OCA2: variants seen among roughly 807,000 people sequenced by gnomAD.
The protein encoded by OCA2 is OCA2 melanosomal transmembrane protein, also known as P protein.
OCA2 carries 77 observed loss-of-function variants against 100.2 expected under a neutral mutation model. The ratio of observed to expected loss-of-function variants is 0.77; its 90% confidence interval spans 0.64 to 0.93. The LOEUF is 0.93. Among genes scored for constraint, OCA2 ranks in the 40% least tolerant of loss-of-function variants. OCA2 has a pLI of 0.00. For synonymous variants in OCA2, 432 were observed against 439.2 expected (o/e 0.98, Z 0.21); for missense variants, 1,062 against 1,089.1 (o/e 0.98, Z 0.35).
chr15:27,739,856 T>C, the OCA2 span, among the ~76,000 whole-genome samples: 1 of 152,110 alleles, frequency 6.6e-6, no homozygotes, highest in Non-Finnish European at 1.5e-5. Flanking sequence ...AAGAGCTCTT[T>C]TACCTCAACT....
chr15:27,829,301 A>ATAGATAGATAGATAGATAGATTGT (rs1555412967), intron 23 of OCA2, among the ~76,000 whole-genome samples: 1 of 151,060 alleles, frequency 6.6e-6, no homozygotes. Context: ...AGATAGATAG[A>ATAGATAGATAGATAGATAGATTGT]TAGATAGATA....
At chr15:27,807,423 G>A (rs1473773825) in intron 23 of OCA2, among the ~76,000 whole-genome samples, 3 of 152,170 alleles carry the variant, frequency 2.0e-5, no homozygotes, top group African/African-American at 7.2e-5. Context: ...TGCCCAGTGT[G>A]TCCCCAGCTT....
At chr15:28,020,817 T>C (rs149250188) in intron 6 of OCA2, among the ~76,000 whole-genome samples, 2 of 152,176 alleles carry the variant, frequency 1.3e-5, no homozygotes, top group Admixed American at 6.5e-5. Context: ...CTCCATCCAC[T>C]GAGCAGAGGG....
chr15:28,068,338 A>G (rs1017435990), intron 2 of OCA2, among the ~76,000 whole-genome samples: 1 of 152,248 alleles, frequency 6.6e-6, no homozygotes, highest in Non-Finnish European at 1.5e-5. Context: ...AACTCTATGT[A>G]CACAAATTAT....
At position 28,018,419 on chromosome 15, in the gene OCA2, G is replaced by A. The variant is rs201304818; in HGVS notation, c.785C>T (p.Ser262Phe). ...VELTQADALG[S>F]RWRRPQQVTH... ...AACCTGCTGTGGCCGCCGCCACCTGGAGCCCAAAGCGTCAGCCTGGGTCAG... is the reference window on the plus strand; with the variant it reads ...AACCTGCTGTGGCCGCCGCCACCTGAAGCCCAAAGCGTCAGCCTGGGTCAG... Residue 262 changes from serine (S) to phenylalanine (F), a missense_variant, in exon 7 of 24, where the codon TCC (serine) becomes TTC (phenylalanine). By Grantham distance (155) the Ser-to-Phe change is radical. Coordinates refer to ENST00000354638, the MANE Select transcript of OCA2 (RefSeq NM_000275.3). 4 of 1,614,074 alleles carry A rather than the reference G, an allele frequency of 2.5e-6. No homozygotes were observed. Among genetic ancestry groups the A allele is most frequent in the South Asian group, 1.1e-5 (1 of 91,076 alleles).
intron 2 of OCA2, among the ~76,000 whole-genome samples, chr15:28,039,887 C>G (rs1412213484): frequency 6.6e-6 from 1 of 152,058 alleles, no homozygotes; most frequent in Admixed American, 6.6e-5. Context: ...AAAAAAATAG[C>G]CGGGTGTGGT....
chr15:27,818,341 A>T (rs953912580), intron 23 of OCA2, among the ~76,000 whole-genome samples: 2 of 152,194 alleles, frequency 1.3e-5, no homozygotes, highest in African/African-American at 4.8e-5. Flanking sequence ...GTGAGCCGGG[A>T]TCACACCACC....
chr15:27,964,568 G>A (rs1362076281), intron 15 of OCA2, among the ~76,000 whole-genome samples: 2 of 152,142 alleles, frequency 1.3e-5, no homozygotes, highest in Non-Finnish European at 1.5e-5. Flanking sequence ...TGATGATCAG[G>A]GCCCCTGCCA....
At chr15:27,812,344 G>A (rs946270497) in intron 23 of OCA2, among the ~76,000 whole-genome samples, 1 of 152,172 alleles carries the variant, frequency 6.6e-6, no homozygotes, top group Admixed American at 6.5e-5. Context: ...CTCTGGGCAA[G>A]TCAGGAGCAC....
chr15:28,050,246 T>C (rs2043468135), intron 2 of OCA2, among the ~76,000 whole-genome samples: 1 of 151,926 alleles, frequency 6.6e-6, no homozygotes, highest in Non-Finnish European at 1.5e-5. Flanking sequence ...GATCGCACCA[T>C]TGCACTCCAG....
At chr15:27,859,467 C>T (rs1031809961) in intron 21 of OCA2, among the ~76,000 whole-genome samples, 1 of 152,000 alleles carries the variant, frequency 6.6e-6, no homozygotes, top group Admixed American at 6.6e-5. Context: ...CCAAAACTGA[C>T]TCATGAAAAA....
chr15:28,016,164 T>A lies in OCA2; in HGVS notation c.830A>T (p.Tyr277Phe). The change falls in exon 8 of 24, where the codon TAT (tyrosine) becomes TTT (phenylalanine). Residue 277 changes from tyrosine (Y) to phenylalanine (F), a missense_variant. Physicochemically the swap from Tyr to Phe is conservative, Grantham distance 22 (BLOSUM62 3). Transcript: ENST00000354638. ...PQQVTHNWTVYLNPRRSEHSV... is the reference protein window; with the variant it reads ...PQQVTHNWTVFLNPRRSEHSV... Reference sequence around the variant, plus strand: ...GTGCTCGCTTCTCCTCGGATTTAAATACACCGTCCAGTTGTGAGTGACCTG... The same window carrying A: ...GTGCTCGCTTCTCCTCGGATTTAAAAACACCGTCCAGTTGTGAGTGACCTG... 1 of 1,614,190 alleles carries A rather than the reference T, an allele frequency of 6.2e-7. No individual in the cohort carries two copies. Among genetic ancestry groups the A allele is most frequent in the Middle Eastern group, 1.6e-4 (1 of 6,062 alleles).
At chr15:27,846,129 G>A (rs1448661201) in intron 22 of OCA2, among the ~76,000 whole-genome samples, 1 of 152,070 alleles carries the variant, frequency 6.6e-6, no homozygotes, top group Non-Finnish European at 1.5e-5. Flanking sequence ...AAGGCCTGGA[G>A]CAGCTGCGAT....
intron 19 of OCA2, among the ~76,000 whole-genome samples, chr15:27,921,992 A>G (rs1353554342): frequency 6.6e-6 from 1 of 152,266 alleles, no homozygotes; most frequent in Non-Finnish European, 1.5e-5. Flanking sequence ...AGTAAGCTAC[A>G]GAAAAGAAAA....
chr15:28,095,341 G>A (rs1461061994), intron 1 of OCA2, among the ~76,000 whole-genome samples: 2 of 152,196 alleles, frequency 1.3e-5, no homozygotes, highest in African/African-American at 4.8e-5. Flanking sequence ...CCTGTGAAAC[G>A]ACAGCCGGCA....
intron 19 of OCA2, among the ~76,000 whole-genome samples, chr15:27,885,684 G>T (rs990426594): frequency 2.0e-5 from 3 of 152,078 alleles, no homozygotes; most frequent in Admixed American, 6.6e-5. Context: ...ATAAGTACAC[G>T]TATTTCAAAA....
In OCA2 at chr15:28,024,906, C is replaced by G. The variant is rs372620701; in HGVS notation, c.516-4G>C. ...TTTCAGCCACTGCACACAGCGCCTG[C>G]AAGAGAAAAAGTAGGGCCTTAGTGG... On this transcript the variant is annotated splice_region_variant and splice_polypyrimidine_tract_variant and intron_variant, in intron 4 of 23. Coordinates refer to ENST00000354638, the MANE Select transcript of OCA2 (RefSeq NM_000275.3). The G allele has an allele frequency of 3.1e-6, 5 of 1,614,054 alleles. No homozygotes were observed. The East Asian group carries it at 1.1e-4, about 36-fold the overall frequency.
chr15:27,882,565 T>C (rs2037063184), intron 19 of OCA2, among the ~76,000 whole-genome samples: 1 of 152,232 alleles, frequency 6.6e-6, no homozygotes, highest in Non-Finnish European at 1.5e-5. Context: ...TGACTGTCAT[T>C]TTCCCTTGGA....
chr15:27,740,571 A>G, the OCA2 span, among the ~76,000 whole-genome samples: 1 of 152,184 alleles, frequency 6.6e-6, no homozygotes, highest in East Asian at 1.9e-4. Context: ...GCAAGTATGT[A>G]TGGGCATTTT....
Sources: gnomAD v4.1 joint callset for allele counts (sites outside exome capture counted in the v4.1 genomes callset) on GRCh38, gnomAD v4.1.1 for gene constraint, MANE v1.5 for transcripts, NCBI Gene and HGNC (gene_info 2026-07-23, HGNC 2026-07-21) for gene names.